Variants in RFX7 observed in about 807,000 individuals in gnomAD.
The protein encoded by RFX7 is regulatory factor X7, also known as DNA-binding protein RFX7.
Under a neutral mutation model 111.8 loss-of-function variants are expected in RFX7, and 26 were observed. The ratio of observed to expected loss-of-function variants is 0.23; its 90% CI spans 0.17 to 0.32. The LOEUF (loss-of-function observed/expected upper bound fraction) is 0.32. Among genes scored for constraint, RFX7 ranks in the 10% least tolerant of loss-of-function variants. RFX7 has a pLI of 1.00. For missense variants in RFX7, 1,573 were observed against 1,772.9 expected, an observed-to-expected ratio of 0.89 and a Z score of 2.02; for synonymous variants, 624 against 624.4, an observed-to-expected ratio of 1.00 and a Z score of 0.01.
chr15:56,141,104 C>G (rs2141020764), intron 5 of RFX7, among the ~76,000 whole-genome samples: 1 of 152,280 alleles, frequency 6.6e-6, no homozygotes, highest in South Asian at 2.1e-4. Flanking sequence ...CTTTAACATT[C>G]CCTACTTGAG....
At chr15:56,116,430 TG>T (rs1212116434) in intron 5 of RFX7, among the ~76,000 whole-genome samples, 2 of 152,234 alleles carry the variant, frequency 1.3e-5, no homozygotes, top group Admixed American at 6.5e-5. Context: ...AGGTTCCCTC[TG>T]AAGAACAGTG....
At chr15:56,206,038 AT>A (rs2043247274) in intron 2 of RFX7, among the ~76,000 whole-genome samples, 2 of 152,182 alleles carry the variant, frequency 1.3e-5, no homozygotes, top group South Asian at 4.1e-4. Context: ...ATGGTGGTTC[AT>A]CAAAATATTA....
intron 4 of RFX7, among the ~76,000 whole-genome samples, chr15:56,143,531 T>A (rs930985445): frequency 6.6e-6 from 1 of 152,098 alleles, no homozygotes; most frequent in Non-Finnish European, 1.5e-5. Context: ...CATTAAACAC[T>A]GTAAACTTTT....
At chr15:56,232,353 G>A (rs2043569701) in intron 2 of RFX7, among the ~76,000 whole-genome samples, 1 of 152,180 alleles carries the variant, frequency 6.6e-6, no homozygotes, top group African/African-American at 2.4e-5. Flanking sequence ...CATGGCTGGA[G>A]CTGCTGGGAT....
At chr15:56,205,347 C>A (rs2043239085) in intron 2 of RFX7, among the ~76,000 whole-genome samples, 1 of 152,176 alleles carries the variant, frequency 6.6e-6, no homozygotes, top group African/African-American at 2.4e-5. Context: ...GGTTTTTGAA[C>A]ACATTTCCTT....
intron 3 of RFX7, among the ~76,000 whole-genome samples, chr15:56,171,350 A>G (rs893810191): frequency 2.0e-5 from 3 of 152,140 alleles, no homozygotes; most frequent in Non-Finnish European, 1.5e-5. Context: ...CAAGGACCTT[A>G]AGATGGGGAG....
chr15:56,115,742 T>A (rs2042001494), intron 5 of RFX7, among the ~76,000 whole-genome samples: 1 of 151,942 alleles, frequency 6.6e-6, no homozygotes, highest in Non-Finnish European at 1.5e-5. Context: ...ATTGAGACCA[T>A]CCTGGCTAAG....
chr15:56,163,817 A>G (rs1326271390), intron 3 of RFX7, among the ~76,000 whole-genome samples: 1 of 152,192 alleles, frequency 6.6e-6, no homozygotes, highest in African/African-American at 2.4e-5. Flanking sequence ...TAAAGACTCC[A>G]TATTACTAAG....
intron 5 of RFX7, among the ~76,000 whole-genome samples, chr15:56,142,462 C>A (rs1451076800): frequency 6.6e-6 from 1 of 152,166 alleles, no homozygotes; most frequent in Non-Finnish European, 1.5e-5. Flanking sequence ...ACCCCAGATA[C>A]ACACTCCTAT....
At chr15:56,128,673 A>T (rs2042175666) in intron 5 of RFX7, among the ~76,000 whole-genome samples, 2 of 152,164 alleles carry the variant, frequency 1.3e-5, no homozygotes, top group Non-Finnish European at 2.9e-5. Context: ...GTCCACTCTT[A>T]CCATTTCTAT....
chr15:56,094,976 A>T lies in RFX7; in HGVS notation c.2752T>A (p.Ser918Thr), dbSNP rs1301971325. Residue 918 changes from serine (S) to threonine (T), a missense_variant, in exon 10 of 10, where the codon TCA (serine) becomes ACA (threonine). This residue lies in a region of RFX7 where 625 missense variants were observed against 632.2 expected (regional missense o/e 0.99). Coordinates refer to ENST00000559447, the MANE Select transcript of RFX7 (RefSeq NM_022841.7). ...NCLGMTLQSQ[S>T]VTPGAPMSSH... The stretch of plus-strand genomic sequence containing the variant: ...GACATTGGAGCTCCTGGAGTTACTG[A>T]CTGACTCTGAAGGGTCATTCCCAAA... 6.2e-7 allele frequency: 1 copy of T among 1,609,528 alleles called. No individual in the cohort carries two copies.
intron 3 of RFX7, among the ~76,000 whole-genome samples, chr15:56,164,157 C>T (rs777401362): frequency 3.3e-5 from 5 of 152,170 alleles, no homozygotes; most frequent in South Asian, 2.1e-4. Context: ...AAACAAATAC[C>T]TAAGTTTTTC....
At chr15:56,140,392 G>A (rs1041838650) in intron 5 of RFX7, among the ~76,000 whole-genome samples, 21 of 152,118 alleles carry the variant, frequency 1.4e-4, no homozygotes, top group East Asian at 3.9e-4. Flanking sequence ...GGTGCCGTCC[G>A]TCACCCCTTT....
intron 2 of RFX7, among the ~76,000 whole-genome samples, chr15:56,187,045 T>G (rs1218209844): frequency 6.6e-6 from 1 of 152,216 alleles, no homozygotes; most frequent in African/African-American, 2.4e-5. Flanking sequence ...TTCAGTGTTC[T>G]GCTTCAGATA....
Position 56,172,706 on chromosome 15 carries a change from G to A in RFX7, c.195+6564C>T, listed in dbSNP as rs118119135. Among the ~76,000 whole-genome samples the A allele has an allele frequency of 8.3e-3, 1,265 of 152,222 alleles. 12 individuals are homozygous for A. The highest frequency in any genetic ancestry group is 0.011 in the Non-Finnish European group (736 of 68,002). ...GAAGTAGAAGGCAAGATCATTTACC[G>A]GCAGCAAGAAAAGAAGAGGCGAGTT... On this transcript the variant is annotated intron_variant, in intron 3 of 9. Transcript: ENST00000559447.
intron 2 of RFX7, among the ~76,000 whole-genome samples, chr15:56,229,456 G>C (rs955013564): frequency 2.0e-5 from 3 of 152,002 alleles, no homozygotes; most frequent in Non-Finnish European, 4.4e-5. Context: ...TAGTAGAGAC[G>C]GGGTTTCACC....
At chr15:56,231,979 C>G (rs537982772) in intron 2 of RFX7, among the ~76,000 whole-genome samples, 1 of 152,350 alleles carries the variant, frequency 6.6e-6, no homozygotes, top group African/African-American at 2.4e-5. Context: ...CCAGGTCACA[C>G]TGATTCAAGA....
At position 56,154,169 on chromosome 15, in the gene RFX7, A is replaced by G. The variant is rs537865394; in HGVS notation, c.196-9686T>C. On this transcript the variant is annotated intron_variant, in intron 3 of 9. Transcript: ENST00000559447. ...AAGGAAAAATATTCCATGCTCATGG[A>G]TAGGAAGAATCAATATCATGAAAAT... Among the ~76,000 whole-genome samples, 3 of 152,356 alleles carry G rather than the reference A, an allele frequency of 2.0e-5. No individual in the cohort carries two copies. The East Asian group carries it at 5.8e-4, about 29-fold the overall frequency.
Position 56,098,305 on chromosome 15 carries a change from T to C in RFX7, c.883A>G (p.Lys295Glu), listed in dbSNP as rs762999638. The change falls in exon 9 of 10, where the codon AAG (lysine) becomes GAG (glutamate). Residue 295 changes from lysine (K) to glutamate (E), a missense_variant. By Grantham distance (56) the Lys-to-Glu change is moderately conservative (BLOSUM62 1). This residue lies in a region of RFX7 where 288 missense variants were observed against 337.9 expected (regional missense o/e 0.85). Transcript: ENST00000559447. ...AESNSFQPQV[K>E]TLPSPIDAKQ... is the part of the protein sequence containing the mutation. The stretch of plus-strand genomic sequence containing the variant: ...GCATCAATTGGAGATGGCAAAGTCT[T>C]CACCTGAGGCTGAAAGGAATTACTT... 3 of 1,613,726 alleles carry C rather than the reference T, an allele frequency of 1.9e-6. No homozygotes were observed. The highest frequency in any genetic ancestry group is 1.7e-5 in the Admixed American group (1 of 60,004).
Sources: gnomAD v4.1 joint callset for allele counts (sites outside exome capture counted in the v4.1 genomes callset) on GRCh38, gnomAD v4.1.1 for gene constraint, gnomAD v4.1.1 regional missense constraint, MANE v1.5 for transcripts, NCBI Gene and HGNC (gene_info 2026-07-23, HGNC 2026-07-21) for gene names.